Variants in ZFPM2 observed in about 807,000 individuals in gnomAD.
ZFPM2 encodes the protein zinc finger protein, FOG family member 2, also known as zinc finger protein ZFPM2.
A neutral mutation model predicts 98.6 loss-of-function variants in ZFPM2; 20 were observed. That is an observed-to-expected ratio of 0.20 (90% CI 0.14 to 0.29). The LOEUF (loss-of-function observed/expected upper bound fraction) is 0.29. Ranked by LOEUF, ZFPM2 falls within the 10% of genes least tolerant of loss-of-function variation. The probability of loss-of-function intolerance (pLI) is 1.00; values close to 1 mark genes in which losing one functional copy is unlikely to be tolerated. For synonymous variants in ZFPM2, 518 were observed against 502.7 expected, an observed-to-expected ratio of 1.03 and a Z score of -0.41; for missense variants, 1,310 against 1,388.6, an observed-to-expected ratio of 0.94 and a Z score of 0.90.
At chr8:105,718,651 T>G (rs1353867406) in intron 5 of ZFPM2, among the ~76,000 whole-genome samples, 3 of 151,808 alleles carry the variant, frequency 2.0e-5, no homozygotes. Flanking sequence ...CAATACGCAT[T>G]TTTTTTTCTT....
chr8:105,465,631 A>G (rs565397629), intron 3 of ZFPM2, among the ~76,000 whole-genome samples: 13 of 152,084 alleles, frequency 8.5e-5, no homozygotes, highest in African/African-American at 3.1e-4. Context: ...TAAATTATAA[A>G]ACTGAAAAGC....
intron 1 of ZFPM2, among the ~76,000 whole-genome samples, chr8:105,409,749 A>G (rs979474243): frequency 6.6e-6 from 1 of 151,964 alleles, no homozygotes; most frequent in African/African-American, 2.4e-5. Flanking sequence ...AGAATCACCT[A>G]CAGGATTTGT....
intron 3 of ZFPM2, among the ~76,000 whole-genome samples, chr8:105,445,631 G>T (rs544830321): frequency 2.6e-5 from 4 of 151,712 alleles, no homozygotes; most frequent in South Asian, 2.1e-4. Context: ...TTGAGACAGG[G>T]TCTCACTCTG....
intron 1 of ZFPM2, among the ~76,000 whole-genome samples, chr8:105,376,973 T>C (rs1810735547): frequency 6.6e-6 from 1 of 152,348 alleles, no homozygotes; most frequent in South Asian, 2.1e-4. Context: ...TGAAACTTCC[T>C]GCTCAGCTCT....
At chr8:105,444,257 C>T in intron 2 of ZFPM2, 23 bp from the exon 3 acceptor site, 2 of 1,580,294 alleles carry the variant, frequency 1.3e-6, no homozygotes, top group Non-Finnish European at 1.7e-6. Flanking sequence ...TTTTCTTTCT[C>T]TCCTTGTGTT....
chr8:105,718,872 T>G (rs773419098), intron 5 of ZFPM2, among the ~76,000 whole-genome samples: 5 of 151,884 alleles, frequency 3.3e-5, no homozygotes, highest in Non-Finnish European at 7.4e-5. Context: ...ATTTTCTTAT[T>G]TAGATTTCAC....
rs951335495 is a variant in ZFPM2 at position 105,545,841 on chromosome 8, A to AT, written c.302-15513dup. Among the ~76,000 whole-genome samples, 31 of 151,644 alleles carry AT rather than the reference A, an allele frequency of 2.0e-4. No homozygotes were observed. In the East Asian group the frequency reaches 3.7e-3, roughly 18 times the overall value. ...TTGTTTTAAATATGGTTGTGCAAGTATTTTTTTTTACTAATGCATAAGTGC... is the reference window on the plus strand; with the variant it reads ...TTGTTTTAAATATGGTTGTGCAAGTATTTTTTTTTTACTAATGCATAAGTGC... On this transcript the variant is annotated intron_variant, in intron 3 of 7. Transcript: ENST00000407775.
chr8:105,698,433 T>G (rs979306231), intron 5 of ZFPM2, among the ~76,000 whole-genome samples: 4 of 152,230 alleles, frequency 2.6e-5, no homozygotes, highest in African/African-American at 9.6e-5. Flanking sequence ...CTTTTCACTT[T>G]CTTAAATTCA....
At chr8:105,358,096 C>T (rs1469004302) in intron 1 of ZFPM2, among the ~76,000 whole-genome samples, 2 of 152,124 alleles carry the variant, frequency 1.3e-5, no homozygotes, top group African/African-American at 4.8e-5. Context: ...AGATGTGAAC[C>T]TTGTTAAATT....
intron 1 of ZFPM2, among the ~76,000 whole-genome samples, chr8:105,351,379 GTGTT>G (rs1277318156): frequency 2.0e-5 from 3 of 150,718 alleles, no homozygotes; most frequent in Admixed American, 6.6e-5. Context: ...GTGTGTGTGT[GTGTT>G]TGTGTGTGTG....
At chr8:105,490,178 C>A (rs1414005418) in intron 3 of ZFPM2, among the ~76,000 whole-genome samples, 2 of 151,828 alleles carry the variant, frequency 1.3e-5, no homozygotes, top group East Asian at 3.9e-4. Flanking sequence ...ACCCGGGAGG[C>A]GGAGGTTGCA....
intron 3 of ZFPM2, among the ~76,000 whole-genome samples, chr8:105,491,578 A>G (rs1223926583): frequency 6.6e-6 from 1 of 152,172 alleles, no homozygotes; most frequent in Non-Finnish European, 1.5e-5. Context: ...TTTGAATGCA[A>G]CTCATCTAAC....
rs184189641 is a variant in ZFPM2 at position 105,595,653 on chromosome 8, A to G, written c.420+34172A>G. ...GGGTGAAACACGGCTAGTAGTAAGG[A>G]TTAAAGAAGGTAACAGGAAACTTTC... On this transcript the variant is annotated intron_variant, in intron 4 of 7. Coordinates refer to ENST00000407775, the MANE Select transcript of ZFPM2 (RefSeq NM_012082.4). Among the ~76,000 whole-genome samples, 7 of 152,284 alleles carry G rather than the reference A, an allele frequency of 4.6e-5. No homozygotes were observed. The East Asian group carries it at 1.4e-3, about 29-fold the overall frequency.
At chr8:105,402,471 T>A (rs1811359052) in intron 1 of ZFPM2, among the ~76,000 whole-genome samples, 1 of 151,998 alleles carries the variant, frequency 6.6e-6, no homozygotes, top group African/African-American at 2.4e-5. Flanking sequence ...GTTTAAAAAA[T>A]TTATTTTTAT....
intron 1 of ZFPM2, among the ~76,000 whole-genome samples, chr8:105,389,013 C>CGTGTGTGTGTGTGTGTGTGTGTGTGTGT (rs142145699): frequency 1.5e-5 from 2 of 134,826 alleles, no homozygotes; most frequent in African/African-American, 2.8e-5. Context: ...AATTTGATGA[C>CGTGTGTGTGTGTGTGTGTGTGTGTGTGT]GTGTGTGTGT....
intron 3 of ZFPM2, among the ~76,000 whole-genome samples, chr8:105,547,542 CAAAAAAAA>C (rs148322534): frequency 4.2e-5 from 2 of 47,188 alleles, no homozygotes; most frequent in Admixed American, 2.9e-4. Context: ...AACTCCATCT[CAAAAAAAA>C]AAAAAAAAAA....
intron 3 of ZFPM2, among the ~76,000 whole-genome samples, chr8:105,515,170 T>A (rs910630633): frequency 6.6e-6 from 1 of 152,224 alleles, no homozygotes; most frequent in African/African-American, 2.4e-5. Context: ...ACTATTGAAG[T>A]GCCAAATATA....
intron 2 of ZFPM2, among the ~76,000 whole-genome samples, chr8:105,429,382 T>C (rs1811974684): frequency 1.3e-5 from 2 of 150,532 alleles, no homozygotes. Context: ...TTCTTAAAGA[T>C]ACAGTGACCT....
chr8:105,398,455 A>G (rs1312920107), intron 1 of ZFPM2, among the ~76,000 whole-genome samples: 5 of 152,140 alleles, frequency 3.3e-5, no homozygotes, highest in Admixed American at 2.6e-4. Context: ...GTCTTCTCCA[A>G]TTATTTTTTA....
Sources: gnomAD v4.1 joint callset for allele counts (sites outside exome capture counted in the v4.1 genomes callset) on GRCh38, gnomAD v4.1.1 for gene constraint, MANE v1.5 for transcripts, NCBI Gene and HGNC (gene_info 2026-07-23, HGNC 2026-07-21) for gene names.